The following ZCCHC14 variants were observed in gnomAD, a reference collection of about 807,000 sequenced individuals.
ZCCHC14 encodes the protein zinc finger CCHC-type containing 14, also known as zinc finger CCHC domain-containing protein 14.
ZCCHC14 carries 16 observed loss-of-function variants against 85.0 expected under a neutral mutation model. The observed-to-expected ratio is 0.19, with a 90% CI of 0.13 to 0.29. ZCCHC14 has a LOEUF of 0.29. ZCCHC14 is among the 10% of genes least tolerant of loss of function. The pLI is 1.00. For missense variants in ZCCHC14, 1,303 were observed against 1,443.5 expected (o/e 0.90, Z 1.58); for synonymous variants, 775 against 630.7 (o/e 1.23, Z -3.43).
intron 4 of ZCCHC14, among the ~76,000 whole-genome samples, chr16:87,421,874 C>T (rs867962007): frequency 6.6e-5 from 10 of 152,138 alleles, no homozygotes; most frequent in East Asian, 1.9e-4. Flanking sequence ...CGCTCTCCTC[C>T]GGCTCCACGG....
chr16:87,434,614 C>A (rs568965583), intron 2 of ZCCHC14, among the ~76,000 whole-genome samples: 1 of 152,356 alleles, frequency 6.6e-6, no homozygotes, highest in South Asian at 2.1e-4. Context: ...TGGTCTCCTG[C>A]ACCACCGTTC....
intron 2 of ZCCHC14, among the ~76,000 whole-genome samples, chr16:87,453,606 C>T (rs1910814588): frequency 6.6e-6 from 1 of 152,226 alleles, no homozygotes; most frequent in Admixed American, 6.5e-5. Flanking sequence ...ACAGCTGGTG[C>T]GGTCTAAGGA....
At chr16:87,448,922 A>G (rs924279560) in intron 2 of ZCCHC14, among the ~76,000 whole-genome samples, 1 of 152,228 alleles carries the variant, frequency 6.6e-6, no homozygotes, top group Non-Finnish European at 1.5e-5. Context: ...TTGAATTTGG[A>G]GCTGTGGCCA....
rs192774478 is a variant in ZCCHC14, at chr16:87,446,563, A to G, written c.695-13362T>C. ...ACATGAATTACCTGGCCCTTTACAG[A>G]AAACGTTTGCCAGCTCCTGAATCAG... On this transcript the variant is annotated intron_variant, in intron 2 of 12. Coordinates refer to ENST00000671377, the MANE Select transcript of ZCCHC14 (RefSeq NM_015144.3). Among the ~76,000 whole-genome samples, 432 of 152,304 alleles carry G rather than the reference A, an allele frequency of 2.8e-3. 1 individual carries two copies. Among genetic ancestry groups the G allele is most frequent in the African/African-American group, 9.5e-3 (393 of 41,566 alleles).
chr16:87,453,764 G>C (rs1160029143), intron 2 of ZCCHC14, among the ~76,000 whole-genome samples: 1 of 152,152 alleles, frequency 6.6e-6, no homozygotes, highest in African/African-American at 2.4e-5. Context: ...GCACAATCTA[G>C]AATTAGACAT....
chr16:87,438,385 T>C (rs1206050429), intron 2 of ZCCHC14, among the ~76,000 whole-genome samples: 1 of 152,242 alleles, frequency 6.6e-6, no homozygotes, highest in Non-Finnish European at 1.5e-5. Flanking sequence ...AATAAAACTA[T>C]GACCAATAAA....
intron 1 of ZCCHC14, among the ~76,000 whole-genome samples, chr16:87,477,797 C>A (rs1359934746): frequency 6.6e-6 from 1 of 151,694 alleles, no homozygotes; most frequent in East Asian, 1.9e-4. Context: ...TGCCCCTCAC[C>A]GCACACACCT....
chr16:87,477,689 T>C (rs1567542590), intron 1 of ZCCHC14, among the ~76,000 whole-genome samples: 1 of 152,164 alleles, frequency 6.6e-6, no homozygotes, highest in Non-Finnish European at 1.5e-5. Flanking sequence ...CTCATGGAGC[T>C]GTTATGAGGA....
At chr16:87,451,621 C>G (rs1407776730) in intron 2 of ZCCHC14, among the ~76,000 whole-genome samples, 1 of 152,190 alleles carries the variant, frequency 6.6e-6, no homozygotes, top group East Asian at 1.9e-4. Context: ...GCAGCGCCAG[C>G]CATAAGTGAT....
chr16:87,433,332 G>T (rs1909756249), intron 2 of ZCCHC14, 131 bp from the exon 3 acceptor site: 1 of 800,966 alleles, frequency 1.2e-6, no homozygotes, highest in Non-Finnish European at 2.0e-6. Context: ...CACTTTGGTG[G>T]CATCTCACCT....
intron 1 of ZCCHC14, among the ~76,000 whole-genome samples, chr16:87,469,837 G>C (rs987499665): frequency 3.3e-5 from 5 of 152,134 alleles, no homozygotes; most frequent in African/African-American, 1.2e-4. Flanking sequence ...CACTGGGGAT[G>C]AGGACAGAGC....
chr16:87,487,966 TG>T (rs1912589715), intron 1 of ZCCHC14, among the ~76,000 whole-genome samples: 1 of 117,542 alleles, frequency 8.5e-6, no homozygotes, highest in Non-Finnish European at 1.8e-5. Context: ...GGTCAAGGGT[TG>T]GGGGGAGGGG....
At chr16:87,479,529 A>G (rs747028410) in intron 1 of ZCCHC14, among the ~76,000 whole-genome samples, 5 of 152,218 alleles carry the variant, frequency 3.3e-5, no homozygotes, top group Admixed American at 6.5e-5. Flanking sequence ...GCTCCCTTCT[A>G]AAGAGTTAAT....
At chr16:87,461,354 T>A (rs377671626) in intron 1 of ZCCHC14, among the ~76,000 whole-genome samples, 44 of 152,332 alleles carry the variant, frequency 2.9e-4, no homozygotes, top group Middle Eastern at 3.4e-3. Flanking sequence ...TTATAACTTA[T>A]AGGATTTAGA....
rs1021343659 is a variant in ZCCHC14 at position 87,406,735 on chromosome 16, C to A, written c.*3545G>T. 3 of 152,216 alleles carry A rather than the reference C, an allele frequency of 2.0e-5. No homozygotes were observed. Among genetic ancestry groups the A allele is most frequent in the African/African-American group, 7.2e-5 (3 of 41,444 alleles). The allele number at this position is 152,216 out of a possible 1,614,324, so 9.4% of individuals were successfully genotyped here. Reference sequence around the variant, plus strand: ...CTCAACCAGCACAGTATATGGTTTTCTAGAATATTGCGAGTGTTGAGTGTT... The same window carrying A: ...CTCAACCAGCACAGTATATGGTTTTATAGAATATTGCGAGTGTTGAGTGTT... On this transcript the variant is annotated 3_prime_UTR_variant, in exon 13 of 13. Coordinates refer to ENST00000671377, the MANE Select transcript of ZCCHC14 (RefSeq NM_015144.3).
Position 87,411,332 on chromosome 16 carries a change from T to C in ZCCHC14, c.3205+184A>G, listed in dbSNP as rs138315790. Reference sequence around the variant, plus strand: ...CTGTCTGAAATCATCATGGCCGTTTTAGACCCAACAGCAGTCCTTCTGGGG... The same window carrying C: ...CTGTCTGAAATCATCATGGCCGTTTCAGACCCAACAGCAGTCCTTCTGGGG... On this transcript the variant is annotated intron_variant, in intron 12 of 12. Transcript: ENST00000671377. The C allele has an allele frequency of 2.3e-4, 338 of 1,485,490 alleles. No individual in the cohort carries two copies. The African/African-American group carries it at 4.3e-3, about 19-fold the overall frequency. 92.0% of individuals were successfully genotyped at this position (1,485,490 alleles called of 1,614,324 possible).
intron 2 of ZCCHC14, among the ~76,000 whole-genome samples, chr16:87,447,774 C>T (rs1910513024): frequency 6.6e-6 from 1 of 152,154 alleles, no homozygotes; most frequent in Admixed American, 6.6e-5. Context: ...ATAAGAAATG[C>T]CAAATTGTTT....
At chr16:87,466,017 G>A (rs956191711) in intron 1 of ZCCHC14, among the ~76,000 whole-genome samples, 4 of 152,132 alleles carry the variant, frequency 2.6e-5, no homozygotes, top group Non-Finnish European at 5.9e-5. Context: ...TAGACCAGAG[G>A]GAATCAAAGG....
At chr16:87,444,803 G>A (rs1040698727) in intron 2 of ZCCHC14, among the ~76,000 whole-genome samples, 3 of 152,202 alleles carry the variant, frequency 2.0e-5, no homozygotes, top group African/African-American at 7.2e-5. Context: ...TGCACCCTGG[G>A]ATTCCGAACT....
Sources: allele counts gnomAD v4.1 joint callset (sites outside exome capture counted in the v4.1 genomes callset), GRCh38; gene constraint gnomAD v4.1.1; transcripts MANE v1.5; gene names NCBI Gene and HGNC (gene_info 2026-07-23, HGNC 2026-07-21).